Variants in LRRC7 observed in about 807,000 individuals in gnomAD.
LRRC7 encodes leucine-rich repeat-containing protein 7.
In LRRC7, 23 loss-of-function variants were observed where a neutral mutation model predicts 175.7. That is an observed-to-expected ratio of 0.13 (90% CI 0.09 to 0.19). The LOEUF (loss-of-function observed/expected upper bound fraction) is 0.19, where lower values mean the gene tolerates loss of function less well. Ranked by LOEUF, LRRC7 falls within the 10% of genes least tolerant of loss-of-function variation. The pLI, the probability that LRRC7 is intolerant of heterozygous loss-of-function variation, is 1.00. For synonymous variants in LRRC7, 685 were observed against 680.9 expected, an observed-to-expected ratio of 1.01 and a Z score of -0.09; for missense variants, 1,354 against 1,904.7, an observed-to-expected ratio of 0.71 and a Z score of 5.38.
At chr1:69,948,102 C>T (rs1259087507) in intron 8 of LRRC7, among the ~76,000 whole-genome samples, 2 of 152,002 alleles carry the variant, frequency 1.3e-5, no homozygotes, top group African/African-American at 4.8e-5. Flanking sequence ...CAGGACAGTG[C>T]GAGATTTCAT....
In LRRC7 at chr1:70,125,480, A is replaced by G. The variant is rs186090659; in HGVS notation, c.*3593A>G. Among the ~76,000 whole-genome samples, 7 of 152,302 alleles carry G rather than the reference A, an allele frequency of 4.6e-5. No homozygotes were observed. Among genetic ancestry groups the G allele is most frequent in the Non-Finnish European group, 7.4e-5 (5 of 68,010 alleles). ...TTACTTATTTAAAAATAGGACTGAC[A>G]TATCTTTCAACTGGTGAGCTAAAGA... On this transcript the variant is annotated 3_prime_UTR_variant, in exon 27 of 27. Transcript: ENST00000651989.
At chr1:69,717,482 T>A (rs2100756067) in intron 2 of LRRC7, among the ~76,000 whole-genome samples, 1 of 151,780 alleles carries the variant, frequency 6.6e-6, no homozygotes, top group African/African-American at 2.4e-5. Context: ...TCAATAGAGA[T>A]GAAAAACATT....
At chr1:70,094,767 AC>A (rs1170248631) in intron 25 of LRRC7, among the ~76,000 whole-genome samples, 3 of 152,190 alleles carry the variant, frequency 2.0e-5, no homozygotes, top group Admixed American at 6.5e-5. Context: ...ATGCGGGGCA[AC>A]GGCAAGTTCA....
At chr1:69,958,438 G>A (rs1650716876) in intron 8 of LRRC7, among the ~76,000 whole-genome samples, 1 of 152,004 alleles carries the variant, frequency 6.6e-6, no homozygotes, top group Admixed American at 6.6e-5. Flanking sequence ...TATTTCTACT[G>A]TGATCCTGTG....
chr1:69,939,251 G>A (rs1050598292), intron 8 of LRRC7, among the ~76,000 whole-genome samples: 1 of 151,606 alleles, frequency 6.6e-6, no homozygotes, highest in South Asian at 2.1e-4. Flanking sequence ...GAGCAAAGGG[G>A]GGACACTGAA....
intron 2 of LRRC7, among the ~76,000 whole-genome samples, chr1:69,737,925 G>C (rs1174727665): frequency 6.6e-6 from 1 of 152,048 alleles, no homozygotes; most frequent in Non-Finnish European, 1.5e-5. Context: ...TGTAAGACAG[G>C]AGGCAAAGGG....
intron 1 of LRRC7, among the ~76,000 whole-genome samples, chr1:69,595,488 G>A (rs970598657): frequency 6.6e-6 from 1 of 152,176 alleles, no homozygotes; most frequent in Non-Finnish European, 1.5e-5. Flanking sequence ...ATAACGGATG[G>A]GGCTGGGTTT....
intron 2 of LRRC7, among the ~76,000 whole-genome samples, chr1:69,719,775 A>C (rs1666151481): frequency 1.3e-5 from 2 of 151,700 alleles, no homozygotes; most frequent in African/African-American, 4.8e-5. Flanking sequence ...TATGATGAAG[A>C]ATGTAAAAAT....
At chr1:69,699,863 C>G (rs1663117441) in intron 2 of LRRC7, among the ~76,000 whole-genome samples, 1 of 152,192 alleles carries the variant, frequency 6.6e-6, no homozygotes, top group Non-Finnish European at 1.5e-5. Flanking sequence ...AATTACTTCT[C>G]TAAGTGTGAG....
At chr1:69,761,471 GT>G (rs1671025340) in intron 3 of LRRC7, among the ~76,000 whole-genome samples, 1 of 151,968 alleles carries the variant, frequency 6.6e-6, no homozygotes, top group Non-Finnish European at 1.5e-5. Flanking sequence ...AAATTGTGCT[GT>G]TTACATAACA....
intron 3 of LRRC7, among the ~76,000 whole-genome samples, chr1:69,785,343 T>C (rs1279067919): frequency 3.3e-5 from 5 of 152,126 alleles, no homozygotes; most frequent in Non-Finnish European, 1.5e-5. Flanking sequence ...TGTGTAAACT[T>C]TCTTTTAGTT....
At chr1:69,575,048 C>T (rs1036479059) in intron 1 of LRRC7, among the ~76,000 whole-genome samples, 1 of 152,102 alleles carries the variant, frequency 6.6e-6, no homozygotes, top group African/African-American at 2.4e-5. Flanking sequence ...CACATATGCA[C>T]ACACAAACAT....
rs373943937 is a variant in LRRC7 at position 69,923,726 on chromosome 1, C to A, written c.648-7781C>A. Among the ~76,000 whole-genome samples the A allele has an allele frequency of 5.9e-5, 9 of 151,680 alleles. 1 individual carries two copies. The highest frequency in any genetic ancestry group is 3.9e-4 in the East Asian group (2 of 5,184). On this transcript the variant is annotated intron_variant, in intron 7 of 26. Coordinates refer to ENST00000651989, the MANE Select transcript of LRRC7 (RefSeq NM_001370785.2). ...AGCCCTTTGTCAGATGAGTAGGTTG[C>A]GAAAATTTTCTCCCATTTTGTGGGT...
At position 70,125,641 on chromosome 1, in the gene LRRC7, A is replaced by T. The variant is rs1226791586; in HGVS notation, c.*3754A>T. On this transcript the variant is annotated 3_prime_UTR_variant, in exon 27 of 27. Transcript: ENST00000651989. Reference sequence around the variant, plus strand: ...CCCCGTCTCTACTAAAAATACAAAAAATTAGCCGGGCGTAGTGGCGGGCGC... The same window carrying T: ...CCCCGTCTCTACTAAAAATACAAAATATTAGCCGGGCGTAGTGGCGGGCGC... 1.3e-5 allele frequency among the ~76,000 whole-genome samples: 2 copies of T among 151,060 alleles called. No individual in the cohort carries two copies. The highest frequency in any genetic ancestry group is 6.6e-5 in the Admixed American group (1 of 15,154).
At chr1:69,660,534 A>T (rs1287835354) in intron 1 of LRRC7, among the ~76,000 whole-genome samples, 1 of 152,106 alleles carries the variant, frequency 6.6e-6, no homozygotes, top group East Asian at 1.9e-4. Flanking sequence ...GGTAAGGAGG[A>T]TCAAGAATGT....
intron 5 of LRRC7, among the ~76,000 whole-genome samples, chr1:69,828,019 A>G (rs1440342344): frequency 1.3e-5 from 2 of 152,142 alleles, no homozygotes; most frequent in East Asian, 1.9e-4. Flanking sequence ...CAAAATGACA[A>G]ATAAATGATA....
At chr1:70,036,765 T>C (rs907930634) in intron 20 of LRRC7, 141 bp downstream of exon 20, 31 of 851,316 alleles carry the variant, frequency 3.6e-5, no homozygotes, top group Admixed American at 5.9e-5. Flanking sequence ...CAAATGTTGT[T>C]CGCCTGGGAC....
At chr1:70,028,476 T>G in intron 18 of LRRC7, 105 bp downstream of exon 18, 1 of 966,452 alleles carries the variant, frequency 1.0e-6, no homozygotes, top group East Asian at 2.6e-5. Context: ...ATTTTTTTCC[T>G]AAAATATAAA....
intron 23 of LRRC7, among the ~76,000 whole-genome samples, chr1:70,069,635 G>C (rs900279208): frequency 6.6e-6 from 1 of 152,094 alleles, no homozygotes; most frequent in Non-Finnish European, 1.5e-5. Context: ...GAATCTGTAA[G>C]TTTATTTCTC....
Sources: gnomAD v4.1 joint callset for allele counts (sites outside exome capture counted in the v4.1 genomes callset) on GRCh38, gnomAD v4.1.1 for gene constraint, MANE v1.5 for transcripts, NCBI Gene and HGNC (gene_info 2026-07-23, HGNC 2026-07-21) for gene names.